Variants in TTC7B observed in about 807,000 individuals in gnomAD.
TTC7B encodes tetratricopeptide repeat domain 7B.
Under a neutral mutation model 106.8 loss-of-function variants are expected in TTC7B, and 28 were observed. The observed-to-expected ratio is 0.26, with a 90% confidence interval of 0.19 to 0.36. TTC7B has a LOEUF of 0.36. Among genes scored for constraint, TTC7B ranks in the 10% least tolerant of loss-of-function variants. The pLI is 1.00. For missense variants in TTC7B, 862 were observed against 1,076.4 expected, an observed-to-expected ratio of 0.80 and a Z score of 2.79; for synonymous variants, 405 against 430.6, an observed-to-expected ratio of 0.94 and a Z score of 0.74.
At chr14:90,767,074 C>T (rs944048482) in intron 3 of TTC7B, 6 of 700,218 alleles carry the variant, frequency 8.6e-6, no homozygotes, top group Admixed American at 5.9e-5. Flanking sequence ...AAATTCTGGG[C>T]TGGGTGCAGT....
At chr14:90,633,962 C>T (rs1884814848) in intron 15 of TTC7B, among the ~76,000 whole-genome samples, 1 of 151,886 alleles carries the variant, frequency 6.6e-6, no homozygotes, top group African/African-American at 2.4e-5. Context: ...GCAACCTCCG[C>T]CTCCCAGGTT....
At chr14:90,708,023 G>C (rs2139963005) in intron 5 of TTC7B, among the ~76,000 whole-genome samples, 1 of 151,910 alleles carries the variant, frequency 6.6e-6, no homozygotes, top group East Asian at 1.9e-4. Context: ...ATGGGTGCCT[G>C]TAATCCCAGC....
intron 7 of TTC7B, among the ~76,000 whole-genome samples, chr14:90,683,131 C>T (rs1015299459): frequency 2.0e-5 from 3 of 152,164 alleles, no homozygotes; most frequent in African/African-American, 4.8e-5. Flanking sequence ...CTTCTGTCAT[C>T]GTTAGCCATT....
intron 5 of TTC7B, among the ~76,000 whole-genome samples, chr14:90,699,544 G>A (rs972932093): frequency 6.6e-6 from 1 of 152,134 alleles, no homozygotes; most frequent in African/African-American, 2.4e-5. Flanking sequence ...AAGTAGTAGT[G>A]TGAATAAAAG....
At chr14:90,569,319 C>T (rs370488388) in intron 19 of TTC7B, among the ~76,000 whole-genome samples, 2 of 152,168 alleles carry the variant, frequency 1.3e-5, no homozygotes, top group East Asian at 1.9e-4. Context: ...TGCCTTGTAC[C>T]GACACTGTGA....
chr14:90,695,186 T>C (rs903399178), intron 6 of TTC7B, among the ~76,000 whole-genome samples: 1 of 49,352 alleles, frequency 2.0e-5, no homozygotes, highest in Non-Finnish European at 4.0e-5. Flanking sequence ...GTATATTTTA[T>C]ATACATTTTA....
chr14:90,571,519 A>G (rs890696867), intron 19 of TTC7B, among the ~76,000 whole-genome samples: 1 of 152,242 alleles, frequency 6.6e-6, no homozygotes, highest in Non-Finnish European at 1.5e-5. Context: ...GAGGAAAAAA[A>G]AGTTATTCTC....
chr14:90,603,827 T>C (rs1403420193), intron 17 of TTC7B, among the ~76,000 whole-genome samples: 1 of 152,200 alleles, frequency 6.6e-6, no homozygotes, highest in Admixed American at 6.5e-5. Context: ...TCAGTATGTT[T>C]TCCCCCCTCT....
chr14:90,785,463 A>T (rs1259705878), intron 2 of TTC7B, among the ~76,000 whole-genome samples: 1 of 152,154 alleles, frequency 6.6e-6, no homozygotes, highest in Non-Finnish European at 1.5e-5. Flanking sequence ...AACTAGGGGA[A>T]GCATCTAGAG....
intron 2 of TTC7B, among the ~76,000 whole-genome samples, chr14:90,784,242 T>C (rs992827513): frequency 6.6e-6 from 1 of 152,092 alleles, no homozygotes; most frequent in Non-Finnish European, 1.5e-5. Context: ...TCCACCTGTG[T>C]CATCATGTCA....
intron 3 of TTC7B, 128 bp downstream of exon 3, chr14:90,780,610 C>T: frequency 9.1e-7 from 1 of 1,103,688 alleles, no homozygotes; most frequent in African/African-American, 1.6e-5. Flanking sequence ...TGCAGGGCGG[C>T]CCCAGCAGCC....
intron 7 of TTC7B, among the ~76,000 whole-genome samples, chr14:90,685,116 A>G (rs1204831698): frequency 6.6e-6 from 1 of 152,124 alleles, no homozygotes; most frequent in African/African-American, 2.4e-5. Flanking sequence ...ATTGTTTTTC[A>G]GTTATGTTCC....
chr14:90,557,314 C>T (rs1205286779), intron 19 of TTC7B, among the ~76,000 whole-genome samples: 3 of 152,164 alleles, frequency 2.0e-5, no homozygotes, highest in Admixed American at 6.5e-5. Context: ...GGAGAAGTCA[C>T]GTGGGGCAGA....
At chr14:90,780,322 G>C (rs372909896) in intron 3 of TTC7B, among the ~76,000 whole-genome samples, 1 of 151,354 alleles carries the variant, frequency 6.6e-6, no homozygotes, top group Admixed American at 6.6e-5. Flanking sequence ...CGGAGGTTGC[G>C]GTAAGCCAAG....
In TTC7B at chr14:90,553,585, G is replaced by A. The variant is rs562108492; in HGVS notation, c.2311-11996C>T. Reference sequence around the variant, plus strand: ...TGGAGCCCTCATTGTCCTTTTCATCGAATCCCCACACTTTGAAGTTCTCTG... The same window carrying A: ...TGGAGCCCTCATTGTCCTTTTCATCAAATCCCCACACTTTGAAGTTCTCTG... On this transcript the variant is annotated intron_variant, in intron 19 of 19. Coordinates refer to ENST00000328459, the MANE Select transcript of TTC7B (RefSeq NM_001010854.2). Among the ~76,000 whole-genome samples, 15 of 152,252 alleles carry A rather than the reference G, an allele frequency of 9.9e-5. No individual in the cohort carries two copies. In the East Asian group the frequency reaches 1.2e-3, roughly 12 times the overall value.
At chr14:90,787,249 A>T (rs935232638) in intron 1 of TTC7B, among the ~76,000 whole-genome samples, 1 of 152,306 alleles carries the variant, frequency 6.6e-6, no homozygotes, top group South Asian at 2.1e-4. Flanking sequence ...TAACTTGTTG[A>T]TGTCTATATT....
intron 3 of TTC7B, among the ~76,000 whole-genome samples, chr14:90,771,383 C>T (rs1460795908): frequency 6.6e-6 from 1 of 152,096 alleles, no homozygotes; most frequent in African/African-American, 2.4e-5. Flanking sequence ...CTCGCTTAAG[C>T]CCAGGAGTTC....
rs149935865 is a variant in TTC7B at position 90,706,056 on chromosome 14, A to G, written c.699-10478T>C. 1.8e-4 allele frequency among the ~76,000 whole-genome samples: 28 copies of G among 152,296 alleles called. No individual in the cohort carries two copies. In the East Asian group the frequency reaches 5.4e-3, roughly 29 times the overall value. On this transcript the variant is annotated intron_variant, in intron 5 of 19. Coordinates refer to ENST00000328459, the MANE Select transcript of TTC7B (RefSeq NM_001010854.2). ...AGCAGTGTTGTGCTCTTGTTCTGACATTAGCAGCCCTTGGTATTCAACACT... is the reference window on the plus strand; with the variant it reads ...AGCAGTGTTGTGCTCTTGTTCTGACGTTAGCAGCCCTTGGTATTCAACACT...
intron 2 of TTC7B, among the ~76,000 whole-genome samples, chr14:90,783,472 A>G (rs1891283982): frequency 6.6e-6 from 1 of 152,248 alleles, no homozygotes; most frequent in Non-Finnish European, 1.5e-5. Context: ...AATGATGTGT[A>G]TCTAGTGCTA....
Sources: gnomAD v4.1 joint callset for allele counts (sites outside exome capture counted in the v4.1 genomes callset) on GRCh38, gnomAD v4.1.1 for gene constraint, MANE v1.5 for transcripts, NCBI Gene and HGNC (gene_info 2026-07-23, HGNC 2026-07-21) for gene names.